HEPACAM2: variants seen among roughly 807,000 people sequenced by gnomAD.
HEPACAM2 encodes the protein HEPACAM family member 2.
Under a neutral mutation model 49.6 loss-of-function variants are expected in HEPACAM2, and 49 were observed. The ratio of observed to expected loss-of-function variants is 0.99; its 90% confidence interval spans 0.78 to 1.25. The LOEUF (loss-of-function observed/expected upper bound fraction) is 1.25. Ranked by LOEUF, HEPACAM2 falls within the 50% of genes most tolerant of loss-of-function variation. HEPACAM2 has a pLI of 0.00. For missense variants in HEPACAM2, 525 were observed against 557.2 expected (o/e 0.94, Z 0.58); for synonymous variants, 197 against 202.9 (o/e 0.97, Z 0.25).
At chr7:93,206,588 A>G (rs1468434454) in intron 4 of HEPACAM2, among the ~76,000 whole-genome samples, 1 of 152,112 alleles carries the variant, frequency 6.6e-6, no homozygotes, top group Non-Finnish European at 1.5e-5. Flanking sequence ...CATGGTAACC[A>G]CTAAACATGT....
intron 8 of HEPACAM2, among the ~76,000 whole-genome samples, chr7:93,195,435 T>C (rs1793686569): frequency 1.3e-5 from 2 of 151,926 alleles, no homozygotes; most frequent in South Asian, 4.2e-4. Context: ...CCCAGGCTGA[T>C]CTCAAACTCC....
At chr7:93,209,434 T>C (rs1794120871) in intron 3 of HEPACAM2, among the ~76,000 whole-genome samples, 1 of 152,020 alleles carries the variant, frequency 6.6e-6, no homozygotes, top group African/African-American at 2.4e-5. Context: ...TTTCCTTTTG[T>C]TGGGTACATT....
chr7:93,226,021 G>A (rs4141385), intron 1 of HEPACAM2: 8,115 of 664,242 alleles, frequency 0.012, 468 homozygotes, highest in East Asian at 0.11. Flanking sequence ...CAATTTCATG[G>A]CCTATTAGAA....
rs1331407681 is a variant in HEPACAM2 at position 93,219,136 on chromosome 7, A to G, written c.395T>C (p.Leu132Pro). The change falls in exon 2 of 10, where the codon CTA becomes CCA. Residue 132 changes from leucine to proline, a missense_variant. Physicochemically the swap from Leu to Pro is moderately conservative, Grantham distance 98 (BLOSUM62 -3). Coordinates refer to ENST00000394468, the MANE Select transcript of HEPACAM2 (RefSeq NM_001039372.4). ...VKVNIQGNGT[L>P]SASQKIQVTV... Reference sequence around the variant, plus strand: ...GACTTGTATCTTCTGACTGGCAGATAGAGTTCCATTTCCCTGAATGTTGAC... The same window carrying G: ...GACTTGTATCTTCTGACTGGCAGATGGAGTTCCATTTCCCTGAATGTTGAC... 1.9e-6 allele frequency: 3 copies of G among 1,613,914 alleles called. No individual in the cohort carries two copies. Among genetic ancestry groups the G allele is most frequent in the Non-Finnish European group, 2.5e-6 (3 of 1,179,870 alleles).
rs542835889 is a variant in HEPACAM2 at position 93,189,618 on chromosome 7, G to T, written c.1386-348C>A. Among the ~76,000 whole-genome samples the T allele has an allele frequency of 3.9e-5, 6 of 151,912 alleles. No individual in the cohort carries two copies. The East Asian group carries it at 1.2e-3, about 29-fold the overall frequency. On this transcript the variant is annotated intron_variant, in intron 9 of 9. Transcript: ENST00000394468. ...CCATAAGTTCACTAAATAAATAATT[G>T]GGCTGAGTACTAGAATATGAACACA... is the stretch of plus-strand genomic sequence containing the variant.
chr7:93,219,920 T>C (rs565959296), intron 1 of HEPACAM2, among the ~76,000 whole-genome samples: 24 of 152,364 alleles, frequency 1.6e-4, no homozygotes, highest in African/African-American at 4.6e-4. Flanking sequence ...TATTGGAAGT[T>C]CTTCCTTTTA....
intron 1 of HEPACAM2, among the ~76,000 whole-genome samples, chr7:93,221,756 A>C (rs899427042): frequency 6.6e-6 from 1 of 152,162 alleles, no homozygotes; most frequent in Non-Finnish European, 1.5e-5. Flanking sequence ...AAACATAAAG[A>C]CATGTCTTAT....
At chr7:93,191,253 T>C (rs150366967) in intron 9 of HEPACAM2, among the ~76,000 whole-genome samples, 1 of 152,138 alleles carries the variant, frequency 6.6e-6, no homozygotes, top group East Asian at 1.9e-4. Flanking sequence ...CAACAGTCTG[T>C]TCCTTATTTA....
intron 3 of HEPACAM2, among the ~76,000 whole-genome samples, chr7:93,213,465 A>C (rs2116697931): frequency 6.6e-6 from 1 of 152,160 alleles, no homozygotes; most frequent in African/African-American, 2.4e-5. Flanking sequence ...GATTTTGCTA[A>C]AGGTCAGGAA....
At chr7:93,206,700 A>G (rs1468921879) in intron 4 of HEPACAM2, among the ~76,000 whole-genome samples, 1 of 152,084 alleles carries the variant, frequency 6.6e-6, no homozygotes, top group Admixed American at 6.6e-5. Context: ...CAATGTGTTA[A>G]GTGCTCAAAA....
intron 1 of HEPACAM2, among the ~76,000 whole-genome samples, chr7:93,221,064 G>A (rs1338502101): frequency 1.3e-5 from 2 of 152,120 alleles, no homozygotes; most frequent in Non-Finnish European, 2.9e-5. Flanking sequence ...GGGAAGTTTT[G>A]CTGTGAAGAG....
chr7:93,207,504 A>G (rs1794058994), intron 4 of HEPACAM2, among the ~76,000 whole-genome samples: 1 of 151,954 alleles, frequency 6.6e-6, no homozygotes, highest in South Asian at 2.1e-4. Flanking sequence ...AAGAGAATAC[A>G]AAGAAATAAG....
chr7:93,225,566 T>C (rs570520617), intron 1 of HEPACAM2, among the ~76,000 whole-genome samples: 1 of 152,294 alleles, frequency 6.6e-6, no homozygotes, highest in East Asian at 1.9e-4. Flanking sequence ...AATGTAGCCT[T>C]AATTGAACTC....
chr7:93,232,213 C>T, the HEPACAM2 span: 1 of 459,140 alleles, frequency 2.2e-6, no homozygotes, highest in Non-Finnish European at 4.0e-6. Context: ...TAATATTTAC[C>T]GGCTTAACTG....
intron 3 of HEPACAM2, among the ~76,000 whole-genome samples, chr7:93,211,880 C>T (rs148483413): frequency 6.6e-6 from 1 of 152,150 alleles, no homozygotes; most frequent in East Asian, 1.9e-4. Context: ...AATACAGCCA[C>T]TCAATTTAGG....
At chr7:93,229,413 T>A (rs1309578996), upstream of HEPACAM2, among the ~76,000 whole-genome samples, 4 of 152,226 alleles carry the variant, frequency 2.6e-5, no homozygotes. Context: ...GCTCAAGAAG[T>A]GTAGTCATAT....
chr7:93,197,655 T>A, intron 4 of HEPACAM2, 45 bp from the exon 5 acceptor site: 1 of 1,424,814 alleles, frequency 7.0e-7, no homozygotes, highest in Non-Finnish European at 9.5e-7. Context: ...ATTGCTACAG[T>A]ATATAACTTG....
intron 3 of HEPACAM2, among the ~76,000 whole-genome samples, chr7:93,212,158 A>G (rs1439926149): frequency 1.3e-5 from 2 of 152,100 alleles, no homozygotes; most frequent in Non-Finnish European, 2.9e-5. Flanking sequence ...AGCCAAGGCT[A>G]GTAAATAAGG....
intron 8 of HEPACAM2, among the ~76,000 whole-genome samples, chr7:93,195,511 G>A (rs369253836): frequency 6.6e-6 from 1 of 152,202 alleles, no homozygotes; most frequent in South Asian, 2.1e-4. Context: ...GAGCCACCAC[G>A]CCCAGCTTGT....
Sources: allele counts gnomAD v4.1 joint callset (sites outside exome capture counted in the v4.1 genomes callset), GRCh38; gene constraint gnomAD v4.1.1; transcripts MANE v1.5; gene names NCBI Gene and HGNC (gene_info 2026-07-23, HGNC 2026-07-21).